The following RNF217 variants were observed in gnomAD, a reference collection of about 807,000 sequenced individuals.
The protein encoded by RNF217 is E3 ubiquitin-protein ligase RNF217.
RNF217 carries 31 observed loss-of-function variants against 57.8 expected under a neutral mutation model. The ratio of observed to expected loss-of-function variants is 0.54; its 90% confidence interval spans 0.40 to 0.72. The LOEUF (loss-of-function observed/expected upper bound fraction) is 0.72, where lower values mean the gene tolerates loss of function less well. Among genes scored for constraint, RNF217 ranks in the 30% least tolerant of loss-of-function variants. RNF217 has a pLI of 0.00. For missense variants in RNF217, 696 were observed against 708.3 expected, an observed-to-expected ratio of 0.98 and a Z score of 0.20; for synonymous variants, 313 against 294.0, an observed-to-expected ratio of 1.06 and a Z score of -0.66.
intron 1 of RNF217, among the ~76,000 whole-genome samples, chr6:124,969,463 A>T (rs1783678602): frequency 6.6e-6 from 1 of 152,174 alleles, no homozygotes; most frequent in Admixed American, 6.5e-5. Flanking sequence ...TGTATGGGAG[A>T]ATGACTTCTA....
intron 1 of RNF217, among the ~76,000 whole-genome samples, chr6:124,999,809 A>G (rs1442874218): frequency 6.6e-6 from 1 of 152,182 alleles, no homozygotes; most frequent in African/African-American, 2.4e-5. Context: ...ATCCAGTTGT[A>G]CTTTTCACAT....
intron 3 of RNF217, among the ~76,000 whole-genome samples, chr6:125,058,850 A>G (rs573425259): frequency 6.6e-6 from 1 of 152,282 alleles, no homozygotes; most frequent in South Asian, 2.1e-4. Flanking sequence ...TTACTGTAGA[A>G]AATCATGTGT....
intron 1 of RNF217, among the ~76,000 whole-genome samples, chr6:125,043,944 C>G (rs1157546340): frequency 2.0e-5 from 3 of 152,002 alleles, no homozygotes; most frequent in Admixed American, 2.0e-4. Flanking sequence ...AGCTCATGTC[C>G]TTTTCTGGTA....
In RNF217 at chr6:124,963,362, A is replaced by G. The variant is rs1331781018; in HGVS notation, c.818A>G (p.Lys273Arg). 3 of 1,527,366 alleles carry G rather than the reference A, an allele frequency of 2.0e-6. No individual in the cohort carries two copies. In the East Asian group the frequency reaches 7.3e-5, roughly 37 times the overall value. 94.6% of individuals were successfully genotyped at this position (1,527,366 alleles called of 1,614,324 possible). The change falls in exon 1 of 6, where the codon AAG becomes AGG. Residue 273 changes from lysine to arginine, a missense_variant. Transcript: ENST00000521654. The stretch of plus-strand genomic sequence containing the variant: ...GTGTGCCTGGAAGACAAGCCCATCA[A>G]GCCCCTGCCTTGCTGCAAGAAGGCC... ...CRVCLEDKPIKPLPCCKKAVC... is the reference protein window; with the variant it reads ...CRVCLEDKPIRPLPCCKKAVC...
chr6:125,028,024 T>C (rs530147047), intron 1 of RNF217, among the ~76,000 whole-genome samples: 52 of 152,282 alleles, frequency 3.4e-4, no homozygotes, highest in Admixed American at 6.5e-4. Context: ...ATTCTGGTGA[T>C]TAATTTCTTA....
At chr6:124,981,926 G>A (rs1784182703) in intron 1 of RNF217, among the ~76,000 whole-genome samples, 1 of 151,184 alleles carries the variant, frequency 6.6e-6, no homozygotes, top group South Asian at 2.1e-4. Context: ...TGCTCCTGGG[G>A]CTGAGGCAGA....
rs540350995 is a variant in RNF217 at position 124,966,877 on chromosome 6, T to A, written c.882+3451T>A. 2.0e-4 allele frequency among the ~76,000 whole-genome samples: 30 copies of A among 152,364 alleles called. 1 individual carries two copies. The South Asian group carries it at 6.2e-3, about 32-fold the overall frequency. On this transcript the variant is annotated intron_variant, in intron 1 of 5. Coordinates refer to ENST00000521654, the MANE Select transcript of RNF217 (RefSeq NM_001286398.3). ...ATAGCAAATTAGATGGTGACTTAAA[T>A]ACCTCTATGCTCTGTATAAAATTAT...
chr6:124,995,533 TC>T (rs1784714618), intron 1 of RNF217, among the ~76,000 whole-genome samples: 2 of 152,246 alleles, frequency 1.3e-5, no homozygotes, highest in African/African-American at 4.8e-5. Context: ...ATTTTGAGAT[TC>T]TTTTATATGA....
At chr6:125,076,579 G>T in intron 3 of RNF217, 78 bp from the exon 4 acceptor site, 1 of 890,928 alleles carries the variant, frequency 1.1e-6, no homozygotes, top group Non-Finnish European at 1.9e-6. Context: ...GGTAAGTGTT[G>T]TTTCATAAAA....
At chr6:125,045,774 G>C (rs1020615418) in intron 2 of RNF217, among the ~76,000 whole-genome samples, 2 of 151,740 alleles carry the variant, frequency 1.3e-5, no homozygotes, top group Non-Finnish European at 2.9e-5. Context: ...TTATGGACTT[G>C]ATTTTTTTTT....
At position 125,058,112 on chromosome 6, in the gene RNF217, A is replaced by G; in HGVS notation, c.1281+6A>G. The G allele has an allele frequency of 6.2e-6, 10 of 1,605,578 alleles. No homozygotes were observed. Among genetic ancestry groups the G allele is most frequent in the Non-Finnish European group, 8.5e-6 (10 of 1,175,934 alleles). ...AGAAGTGTCCAAAGTGCAAGGTGAG[A>G]TAACTTTTAGGAGGAAAAGAAAAAA... is the stretch of plus-strand genomic sequence containing the variant. On this transcript the variant is annotated splice_donor_region_variant and intron_variant, in intron 3 of 5. Transcript: ENST00000521654.
At chr6:125,009,454 G>T in intron 1 of RNF217, 1 of 477,834 alleles carries the variant, frequency 2.1e-6, no homozygotes. Context: ...TCTCTTTCTA[G>T]AAAGAATGTA....
At chr6:125,068,933 C>T (rs1482764361) in intron 3 of RNF217, among the ~76,000 whole-genome samples, 1 of 151,958 alleles carries the variant, frequency 6.6e-6, no homozygotes, top group African/African-American at 2.4e-5. Flanking sequence ...TGTATAATCA[C>T]AGAGAGGAGA....
chr6:125,021,640 T>C (rs1047717975), intron 1 of RNF217, among the ~76,000 whole-genome samples: 1 of 152,178 alleles, frequency 6.6e-6, no homozygotes, highest in Non-Finnish European at 1.5e-5. Context: ...AATAAATATA[T>C]TCTACAAGGA....
At chr6:125,024,431 A>T (rs1785984988) in intron 1 of RNF217, among the ~76,000 whole-genome samples, 1 of 151,660 alleles carries the variant, frequency 6.6e-6, no homozygotes. Flanking sequence ...AAAATACCAA[A>T]AATTAGCCAG....
chr6:125,066,888 G>C (rs1425486852), intron 3 of RNF217, among the ~76,000 whole-genome samples: 5 of 152,124 alleles, frequency 3.3e-5, no homozygotes, highest in East Asian at 1.9e-4. Context: ...AGAATTTGTT[G>C]TGTGCCCTGT....
chr6:125,033,158 G>A (rs1433919787), intron 1 of RNF217, among the ~76,000 whole-genome samples: 1 of 150,272 alleles, frequency 6.7e-6, no homozygotes, highest in Non-Finnish European at 1.5e-5. Flanking sequence ...TCAGAGTTTG[G>A]ATTTCAACTA....
chr6:125,047,200 T>C (rs192766410), intron 2 of RNF217, among the ~76,000 whole-genome samples: 4 of 152,216 alleles, frequency 2.6e-5, no homozygotes, highest in African/African-American at 9.6e-5. Flanking sequence ...TATACTAATT[T>C]TTAAAATTGC....
intron 1 of RNF217, among the ~76,000 whole-genome samples, chr6:125,036,408 G>A (rs1390799571): frequency 2.0e-5 from 3 of 152,144 alleles, no homozygotes; most frequent in African/African-American, 7.2e-5. Flanking sequence ...TGTCTTTATA[G>A]TAGAATGATT....
Sources: gnomAD v4.1 joint callset for allele counts (sites outside exome capture counted in the v4.1 genomes callset) on GRCh38, gnomAD v4.1.1 for gene constraint, MANE v1.5 for transcripts, NCBI Gene and HGNC (gene_info 2026-07-23, HGNC 2026-07-21) for gene names.